Variants in MEOX1 observed in about 807,000 individuals in gnomAD.
MEOX1 encodes mesenchyme homeobox 1.
Under a neutral mutation model 23.2 loss-of-function variants are expected in MEOX1, and 17 were observed. The ratio of observed to expected loss-of-function variants is 0.73; its 90% CI spans 0.50 to 1.10. The LOEUF (loss-of-function observed/expected upper bound fraction) is 1.10, where lower values mean the gene tolerates loss of function less well. MEOX1 is among the 50% of genes least tolerant of loss of function. The probability of loss-of-function intolerance (pLI) is 0.00; values close to 1 mark genes in which losing one functional copy is unlikely to be tolerated. For missense variants in MEOX1, 333 were observed against 332.2 expected, an observed-to-expected ratio of 1.00 and a Z score of -0.02; for synonymous variants, 134 against 135.1, an observed-to-expected ratio of 0.99 and a Z score of 0.06.
chr17:43,654,934 C>T (rs984806756), intron 1 of MEOX1, among the ~76,000 whole-genome samples: 2 of 152,080 alleles, frequency 1.3e-5, no homozygotes, highest in Non-Finnish European at 1.5e-5. Flanking sequence ...CGCCTGTAGT[C>T]CCAGCTACTC....
chr17:43,652,880 G>C (rs1342539524), intron 1 of MEOX1, among the ~76,000 whole-genome samples: 2 of 139,146 alleles, frequency 1.4e-5, no homozygotes, highest in African/African-American at 5.5e-5. Context: ...CGCCCAGGCT[G>C]GAGTGCAGTG....
chr17:43,649,121 A>G (rs568400425), intron 1 of MEOX1, among the ~76,000 whole-genome samples: 16 of 152,304 alleles, frequency 1.1e-4, no homozygotes, highest in African/African-American at 3.6e-4. Flanking sequence ...CACCTAGCAC[A>G]GTGCCTGGCA....
chr17:43,657,039 T>TTTCTTTC (rs1567748346), intron 1 of MEOX1, among the ~76,000 whole-genome samples: 2 of 124,966 alleles, frequency 1.6e-5, no homozygotes, highest in East Asian at 4.1e-4. Context: ...TCTTTCTTTC[T>TTTCTTTC]TTCTTTCTTT....
intron 2 of MEOX1, among the ~76,000 whole-genome samples, chr17:43,642,659 G>T (rs971200232): frequency 6.7e-6 from 1 of 149,612 alleles, no homozygotes; most frequent in Non-Finnish European, 1.5e-5. Flanking sequence ...GGGTGTGGGG[G>T]TGTGGGGTGG....
At chr17:43,654,380 C>T (rs1215003906) in intron 1 of MEOX1, among the ~76,000 whole-genome samples, 9 of 151,992 alleles carry the variant, frequency 5.9e-5, no homozygotes, top group East Asian at 5.8e-4. Flanking sequence ...TGGTGGCACA[C>T]GCCTGTAATC....
intron 1 of MEOX1, among the ~76,000 whole-genome samples, chr17:43,657,157 T>G: frequency 1.4e-5 from 1 of 69,042 alleles, no homozygotes; most frequent in African/African-American, 6.2e-5. Flanking sequence ...TCTCTCTCTT[T>G]CTTTCTTTCT....
At position 43,661,446 on chromosome 17, in the gene MEOX1, T is replaced by C. The variant is rs1324734315; in HGVS notation, c.89A>G (p.Asn30Ser). The C allele has an allele frequency of 3.1e-6, 5 of 1,611,906 alleles. No homozygotes were observed. The highest frequency in any genetic ancestry group is 4.2e-6 in the Non-Finnish European group (5 of 1,179,404). ...GCLRNPHSEG[N>S]GASGLPHYPP... is the part of the protein sequence containing the mutation. ...GTAGTGGGGTAGCCCTGAGGCCCCA[T>C]TGCCTTCCGAGTGGGGGTTTCGAAG... Residue 30 changes from asparagine to serine, a missense_variant, in exon 1 of 3, where the codon AAT (asparagine) becomes AGT (serine). Coordinates refer to ENST00000318579, the MANE Select transcript of MEOX1 (RefSeq NM_004527.4).
chr17:43,642,226 T>A (rs1472371722), intron 2 of MEOX1, among the ~76,000 whole-genome samples, 194 bp from the exon 3 acceptor site: 1 of 152,194 alleles, frequency 6.6e-6, no homozygotes, highest in Non-Finnish European at 1.5e-5. Context: ...GAGGTCTGTC[T>A]TGTGGCTTCG....
intron 1 of MEOX1, among the ~76,000 whole-genome samples, chr17:43,648,860 T>A (rs1274733073): frequency 6.6e-6 from 1 of 152,210 alleles, no homozygotes; most frequent in Non-Finnish European, 1.5e-5. Context: ...AGGGCTCTGC[T>A]GGGCCGTTTC....
At chr17:43,650,019 T>C (rs1972887629) in intron 1 of MEOX1, among the ~76,000 whole-genome samples, 1 of 152,174 alleles carries the variant, frequency 6.6e-6, no homozygotes, top group African/African-American at 2.4e-5. Flanking sequence ...GACAGACCCA[T>C]CCCTGTCTGA....
At chr17:43,650,567 A>G (rs567159306) in intron 1 of MEOX1, among the ~76,000 whole-genome samples, 3 of 152,276 alleles carry the variant, frequency 2.0e-5, no homozygotes, top group African/African-American at 7.2e-5. Flanking sequence ...TGCCTATCTT[A>G]GGGACATTGT....
intron 1 of MEOX1, among the ~76,000 whole-genome samples, chr17:43,647,459 T>C (rs574718822): frequency 2.8e-4 from 42 of 152,228 alleles, no homozygotes; most frequent in African/African-American, 9.9e-4. Context: ...AGAAGGGAGA[T>C]TTGAACCCAG....
intron 1 of MEOX1, among the ~76,000 whole-genome samples, chr17:43,658,695 T>C (rs191747756): frequency 1.6e-3 from 243 of 152,064 alleles, no homozygotes; most frequent in Middle Eastern, 0.01. Context: ...ATTCCTGGAG[T>C]AGGTCATGAG....
chr17:43,642,316 G>A (rs1227394828), intron 2 of MEOX1, among the ~76,000 whole-genome samples: 2 of 152,106 alleles, frequency 1.3e-5, no homozygotes, highest in East Asian at 1.9e-4. Context: ...TGCCCTGCCT[G>A]TGCCAGGTCC....
Position 43,641,827 on chromosome 17 carries a change from A to C in MEOX1, c.*83T>G. The C allele has an allele frequency of 1.4e-6, 2 of 1,401,938 alleles. No individual in the cohort carries two copies. Among genetic ancestry groups the C allele is most frequent in the Admixed American group, 2.1e-5 (1 of 47,010 alleles). The allele number at this position is 1,401,938 out of a possible 1,614,324, so 86.8% of individuals were successfully genotyped here. ...GTGGAGAGGCTGCCCTGGCTGGGGA[A>C]GGAAGAGGGTGAAGGTGGGATTGGG... On this transcript the variant is annotated 3_prime_UTR_variant, in exon 3 of 3. Transcript: ENST00000318579.
intron 1 of MEOX1, among the ~76,000 whole-genome samples, chr17:43,655,928 A>G (rs540038801): frequency 9.5e-4 from 145 of 152,318 alleles, no homozygotes; most frequent in African/African-American, 3.4e-3. Context: ...CTAGAAATCG[A>G]TTGCACAACT....
chr17:43,655,955 T>G (rs1236156426), intron 1 of MEOX1, among the ~76,000 whole-genome samples: 2 of 152,212 alleles, frequency 1.3e-5, no homozygotes, highest in Non-Finnish European at 2.9e-5. Flanking sequence ...CTGTATCACT[T>G]AAAAACTGTT....
intron 1 of MEOX1, among the ~76,000 whole-genome samples, chr17:43,654,192 G>C (rs1005068770): frequency 6.6e-6 from 1 of 152,146 alleles, no homozygotes; most frequent in East Asian, 1.9e-4. Context: ...TGTTAGGGTG[G>C]GTCCCAATCC....
chr17:43,641,662 G>A lies in MEOX1; in HGVS notation c.*248C>T, dbSNP rs1972696533. ...TTTCCAGATTCATCCGGCCCGGTAGGATCTCTGTCTGATTCCATGAGAGTG... is the reference window on the plus strand; with the variant it reads ...TTTCCAGATTCATCCGGCCCGGTAGAATCTCTGTCTGATTCCATGAGAGTG... On this transcript the variant is annotated 3_prime_UTR_variant, in exon 3 of 3. Coordinates refer to ENST00000318579, the MANE Select transcript of MEOX1 (RefSeq NM_004527.4). 7.1e-6 allele frequency: 3 copies of A among 422,838 alleles called. No individual in the cohort carries two copies. Among genetic ancestry groups the A allele is most frequent in the East Asian group, 8.2e-5 (2 of 24,372 alleles). The allele number at this position is 422,838 out of a possible 1,614,324, so 26.2% of individuals were successfully genotyped here.
Sources: allele counts gnomAD v4.1 joint callset (sites outside exome capture counted in the v4.1 genomes callset), GRCh38; gene constraint gnomAD v4.1.1; transcripts MANE v1.5; gene names NCBI Gene and HGNC (gene_info 2026-07-23, HGNC 2026-07-21).